The following MYRF variants were observed in gnomAD, a reference collection of about 807,000 sequenced individuals.
MYRF encodes myelin regulatory factor.
Under a neutral mutation model 126.3 loss-of-function variants are expected in MYRF, and 16 were observed. The ratio of observed to expected loss-of-function variants is 0.13; its 90% CI spans 0.09 to 0.19. The LOEUF is 0.19. Ranked by LOEUF, MYRF falls within the 10% of genes least tolerant of loss-of-function variation. MYRF has a pLI of 1.00. For missense variants in MYRF, 1,104 were observed against 1,547.0 expected (o/e 0.71, Z 4.80); for synonymous variants, 608 against 635.3 (o/e 0.96, Z 0.65).
Position 61,757,522 on chromosome 11 carries a change from G to A in MYRF, c.46+4732G>A, listed in dbSNP as rs907367751. 2.2e-6 allele frequency: 1 copy of A among 456,416 alleles called. No homozygotes were observed. The highest frequency in any genetic ancestry group is 2.0e-5 in the African/African-American group (1 of 50,010). The allele number at this position is 456,416 out of a possible 1,614,324, so 28.3% of individuals were successfully genotyped here. Reference sequence around the variant, plus strand: ...TTACTGGTCCCCAGGGTAGGTCAGTGCCCCTAAGCTTAGGGGGCTTGTTGA... The same window carrying A: ...TTACTGGTCCCCAGGGTAGGTCAGTACCCCTAAGCTTAGGGGGCTTGTTGA... On this transcript the variant is annotated intron_variant, in intron 1 of 26. Transcript: ENST00000278836. This position sits in a 1 kb window ranked among gnomAD's most constrained non-coding sequence, Gnocchi z 4.7.
chr11:61,768,219 A>G (rs1362041144), intron 3 of MYRF, among the ~76,000 whole-genome samples: 1 of 152,202 alleles, frequency 6.6e-6, no homozygotes, highest in African/African-American at 2.4e-5. Context: ...TACATCTCCA[A>G]GTAGAGGAAT....
At position 61,777,845 on chromosome 11, in the gene MYRF, G is replaced by A; in HGVS notation, c.1903G>A (p.Gly635Ser). Residue 635 changes from glycine (G) to serine (S), a missense_variant and splice_region_variant, in exon 13 of 27, where the codon GGT (glycine) becomes AGT (serine). Around this residue, in one of 10 missense-constraint regions of MYRF, gnomAD observed 123 missense variants for 209.1 expected, o/e 0.59. Transcript: ENST00000278836. The surrounding 1 kb of genome is among the most constrained non-coding windows in gnomAD (Gnocchi z 8.8). Reference sequence around the variant, plus strand: ...CATCGAGGCCACCGCGCCAGAGACAGGTAGGGACCGGGCTGGTGCGGACTG... The same window carrying A: ...CATCGAGGCCACCGCGCCAGAGACAAGTAGGGACCGGGCTGGTGCGGACTG... ...AGIEATAPET[G>S]VIAQEVKEIL... The A allele has an allele frequency of 6.4e-7, 1 of 1,551,288 alleles. No individual in the cohort carries two copies. The highest frequency in any genetic ancestry group is 8.7e-7 in the Non-Finnish European group (1 of 1,146,892).
rs2066696412 is a variant in MYRF at position 61,786,398 on chromosome 11, C to T, written c.*255C>T. ...GCCTGCCACCCCCTAGGGGCCAGGA[C>T]AGGACCAGTTTACCTCTTTCCAGAT... On this transcript the variant is annotated 3_prime_UTR_variant, in exon 27 of 27. Coordinates refer to ENST00000278836, the MANE Select transcript of MYRF (RefSeq NM_001127392.3). This position sits in a 1 kb window ranked among gnomAD's most constrained non-coding sequence, Gnocchi z 4.5. 7.3e-6 allele frequency: 4 copies of T among 550,330 alleles called. No homozygotes were observed. The highest frequency in any genetic ancestry group is 1.3e-5 in the Non-Finnish European group (4 of 305,142). 34.1% of individuals were successfully genotyped at this position (550,330 alleles called of 1,614,324 possible).
chr11:61,761,321 A>G (rs1037372867), intron 1 of MYRF, among the ~76,000 whole-genome samples: 3 of 150,624 alleles, frequency 2.0e-5, no homozygotes, highest in Admixed American at 2.0e-4. Flanking sequence ...TGGAGGGACC[A>G]CCTGGGCCCC....
chr11:61,777,531 T>TG lies in MYRF; in HGVS notation c.1791+71dup. 7.4e-7 allele frequency: 1 copy of TG among 1,345,366 alleles called. No individual in the cohort carries two copies. Among genetic ancestry groups the TG allele is most frequent in the Non-Finnish European group, 9.9e-7 (1 of 1,008,640 alleles). 83.3% of individuals were successfully genotyped at this position (1,345,366 alleles called of 1,614,324 possible). A position where few individuals can be genotyped will look rare whatever the true frequency, so the allele number is the denominator to read the frequency against. On this transcript the variant is annotated intron_variant, in intron 12 of 26. Coordinates refer to ENST00000278836, the MANE Select transcript of MYRF (RefSeq NM_001127392.3). The surrounding 1 kb of genome is among the most constrained non-coding windows in gnomAD (Gnocchi z 8.8). ...GAGCGGGCCGCGGGGGCGGGGCTCCTGGGGAGGGGGCGTGACTACGCGGAA... is the reference window on the plus strand; with the variant it reads ...GAGCGGGCCGCGGGGGCGGGGCTCCTGGGGGAGGGGGCGTGACTACGCGGAA...
chr11:61,756,017 G>T (rs866633126), intron 1 of MYRF, among the ~76,000 whole-genome samples: 1 of 152,208 alleles, frequency 6.6e-6, no homozygotes, highest in African/African-American at 2.4e-5. Context: ...TCCCCTCCCA[G>T]GGTAAGTAAG....
At chr11:61,772,485 A>G (rs1248330998) in intron 7 of MYRF, among the ~76,000 whole-genome samples, 1 of 152,206 alleles carries the variant, frequency 6.6e-6, no homozygotes, top group African/African-American at 2.4e-5. Context: ...AACTGTGGAT[A>G]TTGCCAGGCC....
intron 1 of MYRF, among the ~76,000 whole-genome samples, chr11:61,758,287 C>T (rs965197340): frequency 1.3e-5 from 2 of 152,218 alleles, no homozygotes; most frequent in Non-Finnish European, 2.9e-5. Flanking sequence ...TCTGTCTCTC[C>T]TTTGTGGAGT....
At chr11:61,762,931 G>A (rs2065940344) in intron 1 of MYRF, among the ~76,000 whole-genome samples, 2 of 152,156 alleles carry the variant, frequency 1.3e-5, no homozygotes, top group Admixed American at 1.3e-4. Flanking sequence ...AGCACATCTG[G>A]TTCTCGTTAG....
At chr11:61,785,119 G>A (rs2066659678) in intron 25 of MYRF, 1 of 153,064 alleles carries the variant, frequency 6.5e-6, no homozygotes, top group Admixed American at 6.5e-5. Context: ...TCTATAGTGA[G>A]GGAGAAAAGA....
chr11:61,784,569 C>A, intron 25 of MYRF, 184 bp downstream of exon 25: 1 of 594,968 alleles, frequency 1.7e-6, no homozygotes, highest in Non-Finnish European at 3.0e-6. Flanking sequence ...CGTGTTTGTT[C>A]ATTGCACTCT....
chr11:61,784,688 C>G (rs751717021), intron 25 of MYRF: 1 of 306,074 alleles, frequency 3.3e-6, no homozygotes, highest in South Asian at 4.6e-5. Flanking sequence ...TCTGGGAGCC[C>G]ATGGCGGGGA....
At position 61,780,208 on chromosome 11, in the gene MYRF, T is replaced by A; in HGVS notation, c.2337-14T>A. The A allele has an allele frequency of 6.2e-7, 1 of 1,613,778 alleles. No homozygotes were observed. The highest frequency in any genetic ancestry group is 1.1e-5 in the South Asian group (1 of 90,958). On this transcript the variant is annotated splice_polypyrimidine_tract_variant and intron_variant, in intron 17 of 26. Coordinates refer to ENST00000278836, the MANE Select transcript of MYRF (RefSeq NM_001127392.3). The stretch of plus-strand genomic sequence containing the variant: ...GGCTCCAGCTCTAACGGTCACCCTT[T>A]TCTGTGGCTCCAGCGTGGTGTCCAT...
chr11:61,781,696 T>C lies in MYRF; in HGVS notation c.2888T>C (p.Val963Ala). ...CTGGAGCCTCTGGCCAGCCCTGCAG[T>C]CCCCTTCCCTGGGGGGCAGGGCAAA... The part of the protein sequence containing the change: ...KSLEPLASPA[V>A]PFPGGQGKAK... The change falls in exon 22 of 27, where the codon GTC (valine) becomes GCC (alanine). Residue 963 changes from valine (V) to alanine (A), a missense_variant. Physicochemically the swap from Val to Ala is moderately conservative, Grantham distance 64. Coordinates refer to ENST00000278836, the MANE Select transcript of MYRF (RefSeq NM_001127392.3). The C allele has an allele frequency of 6.2e-7, 1 of 1,613,450 alleles. No individual in the cohort carries two copies.
intron 1 of MYRF, among the ~76,000 whole-genome samples, chr11:61,762,652 C>G (rs1380439104): frequency 6.6e-6 from 1 of 152,182 alleles, no homozygotes; most frequent in East Asian, 1.9e-4. Flanking sequence ...TCTTGTCCAC[C>G]TGGAAAGTCT....
chr11:61,773,926 G>C, intron 7 of MYRF, 41 bp from the exon 8 acceptor site: 3 of 1,551,512 alleles, frequency 1.9e-6, no homozygotes, highest in Non-Finnish European at 2.6e-6. Context: ...TCCAGGCCCG[G>C]CTCTGGGGCC....
In MYRF at chr11:61,783,651, C is replaced by T; in HGVS notation, c.3119+51C>T. The T allele has an allele frequency of 6.5e-7, 1 of 1,539,932 alleles. No homozygotes were observed. The highest frequency in any genetic ancestry group is 9.0e-7 in the Non-Finnish European group (1 of 1,116,214). On this transcript the variant is annotated intron_variant, in intron 23 of 26. Transcript: ENST00000278836. This position sits in a 1 kb window ranked among gnomAD's most constrained non-coding sequence, Gnocchi z 4.6. ...CAGGGAGGTCCTCAGGTGACATGAG[C>T]CCAGGTGGTACAGATCACCCGGAAC...
chr11:61,786,241 C>A lies in MYRF; in HGVS notation c.*98C>A. On this transcript the variant is annotated 3_prime_UTR_variant, in exon 27 of 27. Coordinates refer to ENST00000278836, the MANE Select transcript of MYRF (RefSeq NM_001127392.3). The surrounding 1 kb of genome is among the most constrained non-coding windows in gnomAD (Gnocchi z 4.5). ...TGTTACACTGGAGCCCGCTGCAGGC[C>A]AGCTCTGCTGTTCACTGGCCCTACC... The A allele has an allele frequency of 8.6e-7, 1 of 1,165,782 alleles. No individual in the cohort carries two copies. The highest frequency in any genetic ancestry group is 1.3e-6 in the Non-Finnish European group (1 of 791,400). The allele number at this position is 1,165,782 out of a possible 1,614,324, so 72.2% of individuals were successfully genotyped here.
rs141540098 is a variant in MYRF at position 61,776,893 on chromosome 11, T to A, written c.1590+16T>A. The A allele has an allele frequency of 1.3e-6, 2 of 1,582,376 alleles. No homozygotes were observed. Among genetic ancestry groups the A allele is most frequent in the Non-Finnish European group, 1.7e-6 (2 of 1,165,346 alleles). Reference sequence around the variant, plus strand: ...CATTGTGCGGGTGAGGGCCACCTCCTCCCAGGGCGTAGACAGCCCTCCCCA... The same window carrying A: ...CATTGTGCGGGTGAGGGCCACCTCCACCCAGGGCGTAGACAGCCCTCCCCA... On this transcript the variant is annotated intron_variant, in intron 11 of 26. Coordinates refer to ENST00000278836, the MANE Select transcript of MYRF (RefSeq NM_001127392.3). This position sits in a 1 kb window ranked among gnomAD's most constrained non-coding sequence, Gnocchi z 4.3.
Sources: allele counts gnomAD v4.1 joint callset (sites outside exome capture counted in the v4.1 genomes callset), GRCh38; gene constraint gnomAD v4.1.1; regional missense constraint gnomAD v4.1.1; non-coding constraint Gnocchi (gnomAD v3.1); transcripts MANE v1.5; gene names NCBI Gene and HGNC (gene_info 2026-07-23, HGNC 2026-07-21).